The following A2ML1 variants were observed in gnomAD, a reference collection of about 807,000 sequenced individuals.
A2ML1 encodes the protein alpha-2-macroglobulin-like protein 1.
A neutral mutation model predicts 181.9 loss-of-function variants in A2ML1; 161 were observed. The observed-to-expected ratio is 0.89, with a 90% CI of 0.78 to 1.01. The LOEUF is 1.01. A2ML1 is among the 50% of genes least tolerant of loss of function. The pLI is 0.00. For missense variants in A2ML1, 1,670 were observed against 1,768.1 expected (o/e 0.94, Z 1.00); for synonymous variants, 663 against 666.8 (o/e 0.99, Z 0.09).
chr12:8,879,431 C>T (rs1365496852), downstream of A2ML1, among the ~76,000 whole-genome samples: 2 of 151,896 alleles, frequency 1.3e-5, no homozygotes, highest in Non-Finnish European at 2.9e-5. Context: ...GCGGAGGTTG[C>T]AGTGAGCTGG....
Position 8,848,707 on chromosome 12 carries a change from C to A in A2ML1, c.1834-13C>A, listed in dbSNP as rs747943073. 2 of 1,579,412 alleles carry A rather than the reference C, an allele frequency of 1.3e-6. No homozygotes were observed. The highest frequency in any genetic ancestry group is 3.7e-5 in the Admixed American group (2 of 54,476). On this transcript the variant is annotated splice_polypyrimidine_tract_variant and intron_variant, in intron 15 of 35. Transcript: ENST00000299698. ...ATATCAATGCTTTATTTCCTCTCCC[C>A]CTCTTGTCCCAGGTCTATGGGATGT...
chr12:8,840,834 G>T (rs770088668), intron 10 of A2ML1, among the ~76,000 whole-genome samples: 20 of 151,706 alleles, frequency 1.3e-4, no homozygotes, highest in Non-Finnish European at 2.4e-4. Context: ...TTGAACCCAG[G>T]AGGTAGAGGT....
At chr12:8,868,971 A>G (rs1414473431) in intron 32 of A2ML1, among the ~76,000 whole-genome samples, 164 bp from the exon 33 acceptor site, 1 of 152,090 alleles carries the variant, frequency 6.6e-6, no homozygotes, top group African/African-American at 2.4e-5. Flanking sequence ...ATGGGCTGCA[A>G]GGTTGTAGCA....
In A2ML1 at chr12:8,826,133, T is replaced by A. The variant is rs920490558; in HGVS notation, c.409+2251T>A. Reference sequence around the variant, plus strand: ...TTTACAAAAGTCCTAAGATTTAGGATGTAGAATTTCTGTGAAGAATGTCAT... The same window carrying A: ...TTTACAAAAGTCCTAAGATTTAGGAAGTAGAATTTCTGTGAAGAATGTCAT... On this transcript the variant is annotated intron_variant, in intron 3 of 35. Transcript: ENST00000299698. 2.0e-5 allele frequency among the ~76,000 whole-genome samples: 3 copies of A among 152,186 alleles called. No homozygotes were observed. In the East Asian group the frequency reaches 5.8e-4, roughly 29 times the overall value.
chr12:8,868,410 G>A, intron 31 of A2ML1, 53 bp downstream of exon 31: 1 of 1,605,360 alleles, frequency 6.2e-7, no homozygotes. Flanking sequence ...CATAGGAGCT[G>A]AGCTGGGACA....
intron 5 of A2ML1, chr12:8,834,951 AGAT>A: frequency 1.9e-6 from 1 of 520,290 alleles, no homozygotes; most frequent in Non-Finnish European, 3.4e-6. Flanking sequence ...CTCTGTGCCC[AGAT>A]GACTTAACCA....
In A2ML1 at chr12:8,843,256, G is replaced by A; in HGVS notation, c.1371G>A (p.Arg457=). 1 of 1,614,160 alleles carries A rather than the reference G, an allele frequency of 6.2e-7. No homozygotes were observed. Among genetic ancestry groups the A allele is most frequent in the Non-Finnish European group, 8.5e-7 (1 of 1,180,040 alleles). The change falls in exon 12 of 36, where the codon CGG becomes CGA. Residue 457 remains arginine, a synonymous_variant. Transcript: ENST00000299698. Reference sequence around the variant, plus strand: ...CCCGCAGCTTCCTTGGCATCCACCGGCTAAACGGCCCCTTGAAATGTGGCC... The same window carrying A: ...CCCGCAGCTTCCTTGGCATCCACCGACTAAACGGCCCCTTGAAATGTGGCC... ...STTRSFLGIH[R]LNGPLKCGQP...
rs1943215133 is a variant in A2ML1 at position 8,834,665 on chromosome 12, T to C, written c.466T>C (p.Ser156Pro). 5 of 1,614,088 alleles carry C rather than the reference T, an allele frequency of 3.1e-6. No individual in the cohort carries two copies. Among genetic ancestry groups the C allele is most frequent in the Non-Finnish European group, 4.2e-6 (5 of 1,180,038 alleles). ...ATTATCTGGTTTTCCTTTTCAGTAC[T>C]CCATGGTGGAACTACAGGTAAGCGG... ...SNFVPVNDKY[S>P]MVELQDPNSN... The change falls in exon 5 of 36, where the codon TCC becomes CCC. Residue 156 changes from serine (S) to proline (P), a missense_variant. Physicochemically the swap from Ser to Pro is moderately conservative, Grantham distance 74 (BLOSUM62 -1). Transcript: ENST00000299698.
intron 4 of A2ML1, 95 bp downstream of exon 4, chr12:8,829,874 A>ACGCCC: frequency 1.3e-6 from 2 of 1,492,744 alleles, no homozygotes; most frequent in Non-Finnish European, 1.9e-6. Context: ...TGGGCGTGGC[A>ACGCCC]AGGCGAGGCC....
At position 8,850,261 on chromosome 12, in the gene A2ML1, C is replaced by T. The variant is rs1005600960; in HGVS notation, c.2221C>T (p.Leu741=). ...CTTCCCAGAGACCTGGCTCTGGGAT[C>T]TGTTTCCTATTGGGTAAGTGATGAC... ...QYFPETWLWD[L]FPIGNSGKEA... The change falls in exon 18 of 36, where the codon CTG becomes TTG. Residue 741 remains leucine (L), a synonymous_variant. Coordinates refer to ENST00000299698, the MANE Select transcript of A2ML1 (RefSeq NM_144670.6). 3.1e-6 allele frequency: 5 copies of T among 1,612,134 alleles called. No individual in the cohort carries two copies. The highest frequency in any genetic ancestry group is 4.2e-6 in the Non-Finnish European group (5 of 1,179,344).
At chr12:8,836,360 T>C (rs1308069927) in intron 7 of A2ML1, 21 bp downstream of exon 7, 3 of 1,599,844 alleles carry the variant, frequency 1.9e-6, no homozygotes, top group Non-Finnish European at 2.6e-6. Context: ...AAGCTTGGGA[T>C]CTGGTGGAGA....
At chr12:8,846,810 CA>C (rs199881026) in intron 14 of A2ML1, among the ~76,000 whole-genome samples, 97,834 of 130,134 alleles carry the variant, frequency 0.75, 37,136 homozygotes, top group East Asian at 0.97. Flanking sequence ...GACTCTGTCT[CA>C]AAAAAAAAAA....
At chr12:8,831,811 G>A (rs950589135) in intron 4 of A2ML1, among the ~76,000 whole-genome samples, 2 of 151,832 alleles carry the variant, frequency 1.3e-5, no homozygotes, top group African/African-American at 4.8e-5. Context: ...GTGCAATGGC[G>A]CGATCTCGGC....
At chr12:8,868,422 T>TTGTGTG in intron 31 of A2ML1, 65 bp downstream of exon 31, 1 of 1,441,856 alleles carries the variant, frequency 6.9e-7, no homozygotes, top group Admixed American at 1.9e-5. Context: ...GCTGGGACAC[T>TTGTGTG]TGTGTGTGTG....
At chr12:8,866,374 A>G (rs901549399) in intron 29 of A2ML1, among the ~76,000 whole-genome samples, 6 of 151,022 alleles carry the variant, frequency 4.0e-5, no homozygotes, top group South Asian at 4.2e-4. Context: ...GAAACTTAAA[A>G]AAATTATATG....
intron 18 of A2ML1, among the ~76,000 whole-genome samples, chr12:8,851,034 C>T (rs1592135627): frequency 2.6e-5 from 4 of 152,316 alleles, no homozygotes; most frequent in Middle Eastern, 3.4e-3. Context: ...CCACTGCGCC[C>T]GGCCTACCTG....
chr12:8,838,226 A>G, intron 8 of A2ML1, 110 bp from the exon 9 acceptor site: 2 of 690,614 alleles, frequency 2.9e-6, no homozygotes, highest in South Asian at 2.3e-5. Flanking sequence ...TATATTAGAA[A>G]CTGAAGTGTG....
Position 8,846,076 on chromosome 12 carries a change from G to A in A2ML1, c.1538-1G>A. The A allele has an allele frequency of 6.2e-7, 1 of 1,614,030 alleles. No individual in the cohort carries two copies. Among genetic ancestry groups the A allele is most frequent in the Non-Finnish European group, 8.5e-7 (1 of 1,179,982 alleles). ...CCTGTATATTCCCTCTTCTCTTTCA[G>A]GACTGAAAGCCTCCTTCTCTCTCTC... On this transcript the variant is annotated splice_acceptor_variant, in intron 13 of 35. Coordinates refer to ENST00000299698, the MANE Select transcript of A2ML1 (RefSeq NM_144670.6). LOFTEE classifies it high-confidence loss of function.
chr12:8,847,389 C>T lies in A2ML1; in HGVS notation c.1684-160C>T, dbSNP rs777351905. Among the ~76,000 whole-genome samples the T allele has an allele frequency of 6.6e-5, 10 of 152,290 alleles. No individual in the cohort carries two copies. The South Asian group carries it at 1.2e-3, about 19-fold the overall frequency. On this transcript the variant is annotated intron_variant, in intron 14 of 35. Coordinates refer to ENST00000299698, the MANE Select transcript of A2ML1 (RefSeq NM_144670.6). ...TTTCCCAACTCTATCACGGCATACA[C>T]GTCCTGAAGAGCTAGACTTTACAAA...
Sources: allele counts gnomAD v4.1 joint callset (sites outside exome capture counted in the v4.1 genomes callset), GRCh38; gene constraint gnomAD v4.1.1; transcripts MANE v1.5; gene names NCBI Gene and HGNC (gene_info 2026-07-23, HGNC 2026-07-21).